Variants in SCHIP1 observed in about 807,000 individuals in gnomAD.
SCHIP1 encodes the protein schwannomin interacting protein 1, also known as schwannomin-interacting protein 1.
A neutral mutation model predicts 29.7 loss-of-function variants in SCHIP1; 8 were observed. The ratio of observed to expected loss-of-function variants is 0.27; its 90% CI spans 0.16 to 0.49. The LOEUF (loss-of-function observed/expected upper bound fraction) is 0.49. Ranked by LOEUF, SCHIP1 falls within the 20% of genes least tolerant of loss-of-function variation. The pLI is 0.99. For synonymous variants in SCHIP1, 76 were observed against 94.9 expected, an observed-to-expected ratio of 0.80 and a Z score of 1.16; for missense variants, 193 against 294.6, an observed-to-expected ratio of 0.66 and a Z score of 2.52.
chr3:159,815,479 A>C, the SCHIP1 span, among the ~76,000 whole-genome samples: 1 of 152,184 alleles, frequency 6.6e-6, no homozygotes, highest in African/African-American at 2.4e-5. Context: ...TGGGGGGATG[A>C]AATGATATGT....
At chr3:159,760,694 T>C in the SCHIP1 span, among the ~76,000 whole-genome samples, 1 of 152,202 alleles carries the variant, frequency 6.6e-6, no homozygotes, top group Non-Finnish European at 1.5e-5. Flanking sequence ...TTTAGAGTAT[T>C]TTTTTCACAC....
the SCHIP1 span, among the ~76,000 whole-genome samples, chr3:159,599,217 T>C: frequency 6.6e-6 from 1 of 152,204 alleles, no homozygotes; most frequent in Non-Finnish European, 1.5e-5. Flanking sequence ...TGAGGCTTTG[T>C]TTCTTTAATA....
At chr3:159,777,921 A>G in the SCHIP1 span, among the ~76,000 whole-genome samples, 2 of 152,248 alleles carry the variant, frequency 1.3e-5, no homozygotes, top group Non-Finnish European at 2.9e-5. Flanking sequence ...TACAAAGTTA[A>G]CATAGATTCC....
chr3:159,632,206 G>T, the SCHIP1 span, among the ~76,000 whole-genome samples: 1 of 152,176 alleles, frequency 6.6e-6, no homozygotes, highest in Non-Finnish European at 1.5e-5. Flanking sequence ...TCTTGGAGGA[G>T]ATGTAGCCTG....
intron 5 of SCHIP1, among the ~76,000 whole-genome samples, chr3:159,889,437 A>G (rs1222458002): frequency 6.6e-6 from 1 of 152,228 alleles, no homozygotes; most frequent in Non-Finnish European, 1.5e-5. Context: ...GAATAAAGAA[A>G]GACCTCTAAC....
At chr3:159,769,288 G>T in the SCHIP1 span, among the ~76,000 whole-genome samples, 1 of 151,596 alleles carries the variant, frequency 6.6e-6, no homozygotes, top group East Asian at 1.9e-4. Context: ...TGGGGTGGGA[G>T]GGGGGGCACT....
chr3:159,776,907 A>G, the SCHIP1 span, among the ~76,000 whole-genome samples: 2 of 152,118 alleles, frequency 1.3e-5, no homozygotes, highest in Non-Finnish European at 2.9e-5. Flanking sequence ...GAGGTCACAT[A>G]GATAACCCAC....
At chr3:159,885,761 CTT>C (rs1197861270) in intron 2 of SCHIP1, among the ~76,000 whole-genome samples, 5 of 152,200 alleles carry the variant, frequency 3.3e-5, no homozygotes, top group Admixed American at 1.3e-4. Context: ...GAAAAGGAGT[CTT>C]TCTTCAGAGA....
the SCHIP1 span, among the ~76,000 whole-genome samples, chr3:159,537,807 T>C: frequency 6.6e-6 from 1 of 152,182 alleles, no homozygotes; most frequent in African/African-American, 2.4e-5. Context: ...TCAAGGGGCT[T>C]GGAAGAAATT....
chr3:159,334,717 T>G, the SCHIP1 span, among the ~76,000 whole-genome samples: 1 of 152,252 alleles, frequency 6.6e-6, no homozygotes, highest in Admixed American at 6.5e-5. Context: ...ATACACCAAT[T>G]GTTTGTGCCT....
chr3:159,407,046 T>C, the SCHIP1 span, among the ~76,000 whole-genome samples: 8 of 152,178 alleles, frequency 5.3e-5, no homozygotes, highest in African/African-American at 1.9e-4. Flanking sequence ...CTATCAATAA[T>C]AACATTGAAT....
the SCHIP1 span, among the ~76,000 whole-genome samples, chr3:159,372,288 CAGA>C: frequency 1.3e-5 from 2 of 151,972 alleles, no homozygotes; most frequent in Non-Finnish European, 2.9e-5. Context: ...GGGAAGTGAA[CAGA>C]AGGAGCTTAA....
At chr3:159,554,324 AAG>A in the SCHIP1 span, among the ~76,000 whole-genome samples, 2 of 152,150 alleles carry the variant, frequency 1.3e-5, no homozygotes. Flanking sequence ...GTATGCATGG[AAG>A]AGTTTTATAT....
the SCHIP1 span, among the ~76,000 whole-genome samples, chr3:159,620,903 T>C: frequency 6.6e-6 from 1 of 152,234 alleles, no homozygotes; most frequent in Admixed American, 6.5e-5. Flanking sequence ...TCCCTTAAAC[T>C]ACCTAATCAT....
the SCHIP1 span, among the ~76,000 whole-genome samples, chr3:159,277,231 T>G: frequency 6.6e-6 from 1 of 152,306 alleles, no homozygotes; most frequent in East Asian, 1.9e-4. Context: ...GAATACAATG[T>G]TGGTATAGAA....
chr3:159,376,082 T>C, the SCHIP1 span, among the ~76,000 whole-genome samples: 6 of 152,048 alleles, frequency 3.9e-5, no homozygotes, highest in Non-Finnish European at 8.8e-5. Flanking sequence ...GTGTGGTATA[T>C]GAAATATAAA....
At chr3:159,543,280 A>G in the SCHIP1 span, among the ~76,000 whole-genome samples, 1 of 150,566 alleles carries the variant, frequency 6.6e-6, no homozygotes, top group Non-Finnish European at 1.5e-5. Context: ...ACATATGTAT[A>G]CATGTGCCAT....
At chr3:159,872,144 A>G (rs1043599959) in intron 2 of SCHIP1, among the ~76,000 whole-genome samples, 14 of 152,126 alleles carry the variant, frequency 9.2e-5, no homozygotes, top group East Asian at 1.9e-4. Context: ...TTCTTTGTGC[A>G]TATAGATTTG....
At chr3:159,689,311 A>T in the SCHIP1 span, among the ~76,000 whole-genome samples, 2 of 152,184 alleles carry the variant, frequency 1.3e-5, no homozygotes, top group African/African-American at 4.8e-5. Flanking sequence ...AGAGGTCTTC[A>T]CATCCCTTGT....
Sources: gnomAD v4.1 joint callset for allele counts (sites outside exome capture counted in the v4.1 genomes callset) on GRCh38, gnomAD v4.1.1 for gene constraint, MANE v1.5 for transcripts, NCBI Gene and HGNC (gene_info 2026-07-23, HGNC 2026-07-21) for gene names.